SHROOM3: variants seen among roughly 807,000 people sequenced by gnomAD.
SHROOM3 encodes the protein shroom family member 3, also known as protein Shroom3.
A neutral mutation model predicts 138.6 loss-of-function variants in SHROOM3; 47 were observed. The observed-to-expected ratio is 0.34, with a 90% CI of 0.27 to 0.43. The LOEUF (loss-of-function observed/expected upper bound fraction) is 0.43, where lower values mean the gene tolerates loss of function less well. Ranked by LOEUF, SHROOM3 falls within the 20% of genes least tolerant of loss-of-function variation. The pLI, the probability that SHROOM3 is intolerant of heterozygous loss-of-function variation, is 1.00. For synonymous variants in SHROOM3, 1,062 were observed against 1,063.3 expected (o/e 1.00, Z 0.02); for missense variants, 2,491 against 2,596.5 (o/e 0.96, Z 0.88).
At chr4:76,641,237 A>G (rs1244306522) in intron 2 of SHROOM3, among the ~76,000 whole-genome samples, 2 of 152,234 alleles carry the variant, frequency 1.3e-5, no homozygotes, top group African/African-American at 4.8e-5. Flanking sequence ...AGTGCCTATC[A>G]TTCAGTGGAT....
intron 1 of SHROOM3, among the ~76,000 whole-genome samples, chr4:76,531,956 G>T (rs548557340): frequency 9.8e-4 from 144 of 147,358 alleles, no homozygotes; most frequent in Non-Finnish European, 1.8e-3. Flanking sequence ...TGTGCACAAC[G>T]TGCAGGTTTG....
chr4:76,670,623 T>C (rs895239970), intron 2 of SHROOM3, among the ~76,000 whole-genome samples: 13 of 152,164 alleles, frequency 8.5e-5, no homozygotes, highest in Non-Finnish European at 2.9e-5. Flanking sequence ...AGATTTATTA[T>C]AGAAAGAAAA....
intron 1 of SHROOM3, among the ~76,000 whole-genome samples, chr4:76,462,345 C>T (rs1223039609): frequency 6.6e-6 from 1 of 151,866 alleles, no homozygotes; most frequent in African/African-American, 2.4e-5. Context: ...GCACTCTAGC[C>T]TGGGTGACAG....
At chr4:76,568,235 A>G (rs1733768565) in intron 2 of SHROOM3, among the ~76,000 whole-genome samples, 2 of 152,140 alleles carry the variant, frequency 1.3e-5, no homozygotes, top group Admixed American at 1.3e-4. Context: ...TACAACATTT[A>G]CTACTGAGGG....
chr4:76,554,758 C>G (rs1733444809), intron 1 of SHROOM3, among the ~76,000 whole-genome samples: 1 of 152,090 alleles, frequency 6.6e-6, no homozygotes, highest in Non-Finnish European at 1.5e-5. Context: ...TCCCCAACCC[C>G]CAGGCCACGG....
chr4:76,584,743 G>A (rs1250166930), intron 2 of SHROOM3, among the ~76,000 whole-genome samples: 1 of 152,130 alleles, frequency 6.6e-6, no homozygotes, highest in East Asian at 1.9e-4. Flanking sequence ...TGGCTTGCTG[G>A]GAGTAGCCTA....
rs745343928 is a variant in SHROOM3, at chr4:76,710,251, C to T, written c.419C>T (p.Ala140Val). ...LTSGPQHRKA[A>V]WSGGVKLRLK... ...TCTGGCCCCCAGCACAGGAAAGCAG[C>T]GTGGTCAGGAGGGGTTAAACTTCGG... Residue 140 changes from alanine (A) to valine (V), a missense_variant, in exon 3 of 11, where the codon GCG becomes GTG. By Grantham distance (64) the Ala-to-Val change is moderately conservative. Around this residue, in one of 4 missense-constraint regions of SHROOM3, gnomAD observed 284 missense variants for 322.8 expected, o/e 0.88. Transcript: ENST00000296043. 6.2e-6 allele frequency: 10 copies of T among 1,613,998 alleles called. No individual in the cohort carries two copies. The highest frequency in any genetic ancestry group is 2.2e-5 in the South Asian group (2 of 91,074).
chr4:76,733,701 ATC>A (rs2110129991), intron 4 of SHROOM3, among the ~76,000 whole-genome samples: 1 of 152,256 alleles, frequency 6.6e-6, no homozygotes, highest in Admixed American at 6.5e-5. Context: ...GTTGGCTGGT[ATC>A]TCTCTGACAG....
chr4:76,677,418 T>G (rs987188067), intron 2 of SHROOM3, among the ~76,000 whole-genome samples: 1 of 152,242 alleles, frequency 6.6e-6, no homozygotes, highest in African/African-American at 2.4e-5. Flanking sequence ...AAAGTTGAGC[T>G]TCGTTTTCTC....
chr4:76,664,243 C>T lies in SHROOM3; in HGVS notation c.324-45913C>T, dbSNP rs1192336954. ...TTACTCCTCAGAAAGTTCTGACTTT[C>T]AGTGAATAAAACATCTGATATTTGT... is the stretch of plus-strand genomic sequence containing the variant. On this transcript the variant is annotated intron_variant, in intron 2 of 10. Transcript: ENST00000296043. This position sits in a 1 kb window ranked among gnomAD's most constrained non-coding sequence, Gnocchi z 4.2. Among the ~76,000 whole-genome samples the T allele has an allele frequency of 6.6e-5, 10 of 152,170 alleles. No homozygotes were observed. The highest frequency in any genetic ancestry group is 4.6e-4 in the Admixed American group (7 of 15,270).
At chr4:76,518,912 T>C (rs1732504448) in intron 1 of SHROOM3, among the ~76,000 whole-genome samples, 1 of 152,158 alleles carries the variant, frequency 6.6e-6, no homozygotes, top group African/African-American at 2.4e-5. Flanking sequence ...ACCCTAGAGA[T>C]CACTGGAAGT....
chr4:76,486,202 C>G (rs1383217047), intron 1 of SHROOM3, among the ~76,000 whole-genome samples: 3 of 152,096 alleles, frequency 2.0e-5, no homozygotes, highest in Admixed American at 2.0e-4. Context: ...CTAACTATAC[C>G]AATTTCAAAA....
intron 2 of SHROOM3, among the ~76,000 whole-genome samples, chr4:76,572,080 C>A (rs1293776323): frequency 6.6e-6 from 1 of 152,186 alleles, no homozygotes; most frequent in African/African-American, 2.4e-5. Flanking sequence ...CCATATCTGC[C>A]TCTTTCCTGG....
chr4:76,640,411 C>T (rs7680249), intron 2 of SHROOM3, among the ~76,000 whole-genome samples: 198 of 152,268 alleles, frequency 1.3e-3, no homozygotes, highest in African/African-American at 4.5e-3. Flanking sequence ...CACCTGCTGG[C>T]GTGTTTGATT....
Position 76,664,548 on chromosome 4 carries a change from C to A in SHROOM3, c.324-45608C>A, listed in dbSNP as rs999022752. ...TGATGATGATGCCTGCCATTCATCC[C>A]CAGAAATTCTGATTCAGTTGGTTTG... is the stretch of plus-strand genomic sequence containing the variant. On this transcript the variant is annotated intron_variant, in intron 2 of 10. Coordinates refer to ENST00000296043, the MANE Select transcript of SHROOM3 (RefSeq NM_020859.4). The surrounding 1 kb of genome is among the most constrained non-coding windows in gnomAD (Gnocchi z 4.2). Among the ~76,000 whole-genome samples, 1 of 152,102 alleles carries A rather than the reference C, an allele frequency of 6.6e-6. No individual in the cohort carries two copies. Among genetic ancestry groups the A allele is most frequent in the Non-Finnish European group, 1.5e-5 (1 of 68,028 alleles).
chr4:76,651,020 G>A (rs1454353681), intron 2 of SHROOM3, among the ~76,000 whole-genome samples: 1 of 152,092 alleles, frequency 6.6e-6, no homozygotes, highest in East Asian at 1.9e-4. Flanking sequence ...TAAGAAATAA[G>A]CCAGGCACAG....
chr4:76,763,310 C>A (rs2110150161), intron 9 of SHROOM3, among the ~76,000 whole-genome samples: 1 of 152,124 alleles, frequency 6.6e-6, no homozygotes, highest in Admixed American at 6.5e-5. Context: ...TTGCTTGAAC[C>A]CAGGAGGCAG....
intron 2 of SHROOM3, among the ~76,000 whole-genome samples, chr4:76,683,191 T>C (rs1719247145): frequency 6.6e-6 from 1 of 152,228 alleles, no homozygotes; most frequent in South Asian, 2.1e-4. Flanking sequence ...GAATAGTTTT[T>C]TTTTCATAAT....
intron 2 of SHROOM3, among the ~76,000 whole-genome samples, chr4:76,585,053 GT>G (rs1223682907): frequency 6.6e-6 from 1 of 152,144 alleles, no homozygotes; most frequent in Non-Finnish European, 1.5e-5. Context: ...AGACATTCTA[GT>G]TAAAACAGGA....
Sources: allele counts gnomAD v4.1 joint callset (sites outside exome capture counted in the v4.1 genomes callset), GRCh38; gene constraint gnomAD v4.1.1; regional missense constraint gnomAD v4.1.1; non-coding constraint Gnocchi (gnomAD v3.1); transcripts MANE v1.5; gene names NCBI Gene and HGNC (gene_info 2026-07-23, HGNC 2026-07-21).